The following DGKI variants were observed in gnomAD, a reference collection of about 807,000 sequenced individuals.
The protein encoded by DGKI is DAG kinase iota.
DGKI carries 55 observed loss-of-function variants against 147.5 expected under a neutral mutation model. The observed-to-expected ratio is 0.37, with a 90% CI of 0.30 to 0.47. The LOEUF (loss-of-function observed/expected upper bound fraction) is 0.47. DGKI is among the 20% of genes least tolerant of loss of function. The pLI is 1.00. For missense variants in DGKI, 1,007 were observed against 1,323.8 expected, an observed-to-expected ratio of 0.76 and a Z score of 3.71; for synonymous variants, 469 against 477.1, an observed-to-expected ratio of 0.98 and a Z score of 0.22.
At chr7:137,723,699 C>CTTTTT (rs769605042) in intron 1 of DGKI, among the ~76,000 whole-genome samples, 10 of 104,434 alleles carry the variant, frequency 9.6e-5, no homozygotes, top group Non-Finnish European at 1.6e-4. Context: ...CATGATATCC[C>CTTTTT]TTTTTTTTTT....
intron 1 of DGKI, among the ~76,000 whole-genome samples, chr7:137,737,848 T>A (rs1192195016): frequency 6.6e-6 from 1 of 152,034 alleles, no homozygotes; most frequent in Non-Finnish European, 1.5e-5. Flanking sequence ...CACAACCACA[T>A]CCTTGGGAAT....
At chr7:137,458,647 T>C (rs1814299780) in intron 27 of DGKI, among the ~76,000 whole-genome samples, 1 of 152,170 alleles carries the variant, frequency 6.6e-6, no homozygotes, top group Non-Finnish European at 1.5e-5. Context: ...GAAGAATATA[T>C]CAGAGTTTTC....
chr7:137,745,290 C>T (rs1795290318), intron 1 of DGKI, among the ~76,000 whole-genome samples: 1 of 152,158 alleles, frequency 6.6e-6, no homozygotes, highest in Admixed American at 6.5e-5. Flanking sequence ...CTCTCTCCTC[C>T]TTGGGGAAGA....
chr7:137,428,639 A>G (rs1812923809), intron 28 of DGKI, among the ~76,000 whole-genome samples: 1 of 152,178 alleles, frequency 6.6e-6, no homozygotes, highest in African/African-American at 2.4e-5. Flanking sequence ...ACATGATTGT[A>G]TATCTAGAAA....
intron 6 of DGKI, among the ~76,000 whole-genome samples, chr7:137,624,494 C>T (rs1820863353): frequency 6.6e-6 from 1 of 152,202 alleles, no homozygotes; most frequent in Non-Finnish European, 1.5e-5. Context: ...AATCAATTAC[C>T]ACATTATTAA....
At chr7:137,625,748 A>T (rs1015099024) in intron 6 of DGKI, among the ~76,000 whole-genome samples, 8 of 150,996 alleles carry the variant, frequency 5.3e-5, no homozygotes, top group African/African-American at 2.0e-4. Flanking sequence ...AAAATTAAAA[A>T]AAAAAAAAAA....
intron 2 of DGKI, among the ~76,000 whole-genome samples, chr7:137,686,775 A>G (rs900415846): frequency 1.3e-5 from 2 of 152,150 alleles, no homozygotes; most frequent in African/African-American, 4.8e-5. Context: ...CAGGCACCCC[A>G]CAAACAGACT....
At position 137,846,799 on chromosome 7, in the gene DGKI, C is replaced by T. The variant is rs1167261152; in HGVS notation, c.64G>A (p.Ala22Thr). The T allele has an allele frequency of 1.8e-6, 2 of 1,119,484 alleles. No individual in the cohort carries two copies. Among genetic ancestry groups the T allele is most frequent in the Middle Eastern group, 3.8e-4 (1 of 2,644 alleles). 69.3% of individuals were successfully genotyped at this position (1,119,484 alleles called of 1,614,324 possible). A position where few individuals can be genotyped will look rare whatever the true frequency, so the allele number is the denominator to read the frequency against. The stretch of plus-strand genomic sequence containing the variant: ...GCGGCGGCGGCGGCGGCTGCAGGAG[C>T]GCGGGCAGGTCCGCGCGCCGCTGGC... ...PLPAARGPAR[A>T]PAAAAAAAAS... The change falls in exon 1 of 33, where the codon GCT becomes ACT. Residue 22 changes from alanine (A) to threonine (T), a missense_variant. Physicochemically the swap from Ala to Thr is moderately conservative, Grantham distance 58. Transcript: ENST00000614521. This position sits in a 1 kb window ranked among gnomAD's most constrained non-coding sequence, Gnocchi z 4.0.
At chr7:137,785,355 G>C (rs1030607613) in intron 1 of DGKI, among the ~76,000 whole-genome samples, 1 of 151,242 alleles carries the variant, frequency 6.6e-6, no homozygotes, top group Non-Finnish European at 1.5e-5. Flanking sequence ...GCATAAACCA[G>C]AAAACCTGGA....
At chr7:137,535,737 G>C (rs570877167) in intron 20 of DGKI, among the ~76,000 whole-genome samples, 23 of 152,234 alleles carry the variant, frequency 1.5e-4, no homozygotes, top group Admixed American at 1.2e-3. Flanking sequence ...CAATAAGATA[G>C]AATGTTAAAT....
At chr7:137,725,602 T>A (rs1300343887) in intron 1 of DGKI, among the ~76,000 whole-genome samples, 2 of 147,446 alleles carry the variant, frequency 1.4e-5, no homozygotes, top group Non-Finnish European at 3.0e-5. Context: ...TTGTTTTCTT[T>A]AAAAAAAAAA....
chr7:137,720,984 T>C (rs1440928041), intron 1 of DGKI, among the ~76,000 whole-genome samples: 1 of 152,214 alleles, frequency 6.6e-6, no homozygotes, highest in Non-Finnish European at 1.5e-5. Flanking sequence ...AATATGTGTG[T>C]GTATGAATAG....
intron 21 of DGKI, among the ~76,000 whole-genome samples, chr7:137,504,505 A>G (rs980516183): frequency 3.3e-5 from 5 of 152,220 alleles, no homozygotes; most frequent in Non-Finnish European, 7.3e-5. Context: ...TGAAAAGAAC[A>G]ATAAATATAA....
chr7:137,431,631 G>GT (rs1484059054), intron 28 of DGKI, among the ~76,000 whole-genome samples: 16 of 152,272 alleles, frequency 1.1e-4, no homozygotes, highest in Admixed American at 7.8e-4. Context: ...CAGGGCACAG[G>GT]TATCTCCAAA....
chr7:137,773,431 C>A, intron 1 of DGKI, among the ~76,000 whole-genome samples: 1 of 152,160 alleles, frequency 6.6e-6, no homozygotes, highest in South Asian at 2.1e-4. Flanking sequence ...GTATTCTGAT[C>A]CCCAGGAAAA....
chr7:137,724,215 A>C (rs762840721), intron 1 of DGKI, among the ~76,000 whole-genome samples: 1 of 152,150 alleles, frequency 6.6e-6, no homozygotes. Flanking sequence ...CAAGCGAGGG[A>C]GGAGGTGACA....
rs1811236512 is a variant in DGKI at position 137,388,197 on chromosome 7, T to C, written c.*3023A>G. On this transcript the variant is annotated 3_prime_UTR_variant, in exon 33 of 33. Transcript: ENST00000614521. ...TTCTTGGCTTACTAATCTTCTCTCT[T>C]ATTCTTTATGAAGTCCTTGAATACG... 1 of 152,200 alleles carries C rather than the reference T, an allele frequency of 6.6e-6. No individual in the cohort carries two copies. The highest frequency in any genetic ancestry group is 1.9e-4 in the East Asian group (1 of 5,200). The allele number at this position is 152,200 out of a possible 1,614,324, so 9.4% of individuals were successfully genotyped here.
In DGKI at chr7:137,517,307, GAAAGAAAGAAAGAA is replaced by G. The variant is rs1563063895; in HGVS notation, c.2248+4545_2248+4558del. 8.8e-4 allele frequency among the ~76,000 whole-genome samples: 87 copies of G among 98,762 alleles called. 1 individual carries two copies. The highest frequency in any genetic ancestry group is 3.6e-3 in the African/African-American group (85 of 23,836). 64.8% of individuals were successfully genotyped at this position (98,762 alleles called of 152,430 possible). ...AGAAAGAAAGAAAGAAAGAAAGAAA[GAAAGAAAGAAAGAA>G]AGAAAGAAAGAAAGAAAGAGAAAGA... On this transcript the variant is annotated intron_variant, in intron 21 of 32. Coordinates refer to ENST00000614521, the MANE Select transcript of DGKI (RefSeq NM_001321708.2).
chr7:137,502,600 C>T (rs1343489233), intron 21 of DGKI, among the ~76,000 whole-genome samples: 4 of 151,958 alleles, frequency 2.6e-5, no homozygotes, highest in African/African-American at 9.7e-5. Flanking sequence ...AACCTACGTT[C>T]ACATAAATAA....
Sources: allele counts gnomAD v4.1 joint callset (sites outside exome capture counted in the v4.1 genomes callset), GRCh38; gene constraint gnomAD v4.1.1; non-coding constraint Gnocchi (gnomAD v3.1); transcripts MANE v1.5; gene names NCBI Gene and HGNC (gene_info 2026-07-23, HGNC 2026-07-21).